Variants in BMPER observed in about 807,000 individuals in gnomAD.
The protein encoded by BMPER is BMP binding endothelial regulator.
BMPER carries 45 observed loss-of-function variants against 87.3 expected under a neutral mutation model. The ratio of observed to expected loss-of-function variants is 0.52; its 90% CI spans 0.41 to 0.66. The LOEUF (loss-of-function observed/expected upper bound fraction) is 0.66. Among genes scored for constraint, BMPER ranks in the 30% least tolerant of loss-of-function variants. BMPER has a pLI of 0.00. For missense variants in BMPER, 784 were observed against 867.5 expected, an observed-to-expected ratio of 0.90 and a Z score of 1.21; for synonymous variants, 326 against 316.2, an observed-to-expected ratio of 1.03 and a Z score of -0.33.
intron 7 of BMPER, among the ~76,000 whole-genome samples, chr7:34,050,965 T>C (rs777431772): frequency 6.6e-6 from 1 of 152,226 alleles, no homozygotes; most frequent in Admixed American, 6.5e-5. Flanking sequence ...AATGCTATCT[T>C]AGTCTGTTTA....
chr7:34,085,710 T>G (rs746808546), intron 12 of BMPER, 46 bp from the exon 13 acceptor site: 31 of 1,506,600 alleles, frequency 2.1e-5, no homozygotes, highest in Non-Finnish European at 2.1e-5. Flanking sequence ...GAATTATTAG[T>G]GCGTTAATGA....
At chr7:33,991,077 C>G (rs1440153691) in intron 6 of BMPER, among the ~76,000 whole-genome samples, 1 of 145,932 alleles carries the variant, frequency 6.9e-6, no homozygotes, top group African/African-American at 2.5e-5. Context: ...CTAAAATTCT[C>G]TTTTTTGGTT....
chr7:33,993,856 C>T (rs145907689), intron 6 of BMPER, among the ~76,000 whole-genome samples: 2,668 of 152,272 alleles, frequency 0.018, 38 homozygotes, highest in Non-Finnish European at 0.028. Flanking sequence ...CCCTCAGCTG[C>T]AGGTCTGTTG....
intron 2 of BMPER, among the ~76,000 whole-genome samples, chr7:33,924,211 A>G (rs1229991354): frequency 6.6e-6 from 1 of 152,130 alleles, no homozygotes; most frequent in Non-Finnish European, 1.5e-5. Flanking sequence ...CCCATGTTCT[A>G]TTCATTAGCA....
rs569184796 is a variant in BMPER at position 33,923,700 on chromosome 7, A to C, written c.220-13589A>C. On this transcript the variant is annotated intron_variant, in intron 2 of 14. Coordinates refer to ENST00000649409, the MANE Select transcript of BMPER (RefSeq NM_001365308.1). ...TAATGTAATGACCGCAGCCAGGGTC[A>C]CTTACAGTTGTTCATGCACACATTT... Among the ~76,000 whole-genome samples, 5 of 152,324 alleles carry C rather than the reference A, an allele frequency of 3.3e-5. 1 individual carries two copies. The highest frequency in any genetic ancestry group is 5.9e-5 in the Non-Finnish European group (4 of 68,026).
At chr7:33,954,773 C>T (rs2128614320) in intron 3 of BMPER, among the ~76,000 whole-genome samples, 1 of 152,266 alleles carries the variant, frequency 6.6e-6, no homozygotes, top group South Asian at 2.1e-4. Flanking sequence ...GAGGTGTGGG[C>T]TTATGGTGTG....
intron 6 of BMPER, among the ~76,000 whole-genome samples, chr7:33,980,091 A>G (rs888224644): frequency 6.6e-6 from 1 of 152,210 alleles, no homozygotes; most frequent in Non-Finnish European, 1.5e-5. Flanking sequence ...CCAGAAGCAG[A>G]CCTAACGTTT....
intron 13 of BMPER, among the ~76,000 whole-genome samples, chr7:34,128,404 A>G (rs1015879456): frequency 1.3e-5 from 2 of 152,152 alleles, no homozygotes; most frequent in African/African-American, 4.8e-5. Flanking sequence ...TGAAGTTTGG[A>G]GTAAGTACCC....
intron 11 of BMPER, among the ~76,000 whole-genome samples, chr7:34,072,938 A>G (rs950382115): frequency 1.3e-5 from 2 of 152,210 alleles, no homozygotes; most frequent in Non-Finnish European, 2.9e-5. Flanking sequence ...TAGTTCCCCC[A>G]TAATGTTCCT....
chr7:34,058,135 A>T lies in BMPER; in HGVS notation c.1004A>T (p.Gln335Leu), dbSNP rs1359485275. 6.2e-7 allele frequency: 1 copy of T among 1,614,136 alleles called. No homozygotes were observed. Among genetic ancestry groups the T allele is most frequent in the Admixed American group, 1.7e-5 (1 of 60,024 alleles). ...GGCAGGACGGAGTGTCGCAATAAGC[A>T]GTGCATTCCCATCAGTAGCTGCCCA... is the stretch of plus-strand genomic sequence containing the variant. ...VKGRTECRNK[Q>L]CIPISSCPQG... The change falls in exon 10 of 15, where the codon CAG (glutamine) becomes CTG (leucine). Residue 335 changes from glutamine to leucine, a missense_variant. Physicochemically the swap from Gln to Leu is moderately radical, Grantham distance 113. Coordinates refer to ENST00000649409, the MANE Select transcript of BMPER (RefSeq NM_001365308.1).
intron 1 of BMPER, 77 bp downstream of exon 1, chr7:33,905,823 C>A: frequency 4.6e-6 from 2 of 438,056 alleles, no homozygotes; most frequent in Non-Finnish European, 9.0e-6. Flanking sequence ...TGGCTTGCCC[C>A]GGGGATGGGA....
chr7:34,006,961 A>T (rs915108239), intron 6 of BMPER, among the ~76,000 whole-genome samples: 2 of 152,094 alleles, frequency 1.3e-5, no homozygotes, highest in South Asian at 2.1e-4. Context: ...TTCAAAGTGG[A>T]TCAGCCCCTC....
intron 13 of BMPER, among the ~76,000 whole-genome samples, chr7:34,087,971 A>G (rs1267824909): frequency 1.3e-5 from 2 of 152,228 alleles, no homozygotes; most frequent in Non-Finnish European, 2.9e-5. Flanking sequence ...GAAGTTACGA[A>G]TGATGACTTG....
At chr7:34,036,464 G>A (rs963279900) in intron 6 of BMPER, among the ~76,000 whole-genome samples, 28 of 152,210 alleles carry the variant, frequency 1.8e-4, no homozygotes, top group African/African-American at 6.5e-4. Flanking sequence ...GCAGGAGCTG[G>A]CTGTCAGGGC....
chr7:34,052,869 T>C (rs1788183229), intron 8 of BMPER, among the ~76,000 whole-genome samples: 1 of 152,326 alleles, frequency 6.6e-6, no homozygotes, highest in South Asian at 2.1e-4. Flanking sequence ...ACACCAAACA[T>C]GGAGTAATTC....
chr7:34,139,205 A>G (rs1790800373), intron 13 of BMPER, among the ~76,000 whole-genome samples: 1 of 152,224 alleles, frequency 6.6e-6, no homozygotes. Context: ...TCCATTATCT[A>G]TTCCACCACC....
chr7:33,974,730 A>G lies in BMPER; in HGVS notation c.522A>G (p.Gln174=), dbSNP rs1461277139. ...GTGTGTTTGAGGGTGTGCAGTATCAAGAAGGGGAGGAATTTCAGCCAGAAG... is the reference window on the plus strand; with the variant it reads ...GTGTGTTTGAGGGTGTGCAGTATCAGGAAGGGGAGGAATTTCAGCCAGAAG... ...PGCVFEGVQY[Q]EGEEFQPEGS... is the part of the protein sequence containing the mutation. Residue 174 remains glutamine (Q), a synonymous_variant, in exon 6 of 15, where the codon CAA becomes CAG. Coordinates refer to ENST00000649409, the MANE Select transcript of BMPER (RefSeq NM_001365308.1). 1 of 1,614,042 alleles carries G rather than the reference A, an allele frequency of 6.2e-7. No individual in the cohort carries two copies. The highest frequency in any genetic ancestry group is 8.5e-7 in the Non-Finnish European group (1 of 1,179,980).
At chr7:34,119,102 A>G (rs1367999004) in intron 13 of BMPER, among the ~76,000 whole-genome samples, 1 of 151,858 alleles carries the variant, frequency 6.6e-6, no homozygotes, top group Non-Finnish European at 1.5e-5. Flanking sequence ...GAACACTCGG[A>G]AGAATTGAAT....
chr7:33,975,794 C>A (rs1191427804), intron 6 of BMPER, among the ~76,000 whole-genome samples: 3 of 152,194 alleles, frequency 2.0e-5, no homozygotes, highest in Non-Finnish European at 2.9e-5. Context: ...TTTGGATCAT[C>A]ATAAACCATA....
Sources: gnomAD v4.1 joint callset for allele counts (sites outside exome capture counted in the v4.1 genomes callset) on GRCh38, gnomAD v4.1.1 for gene constraint, MANE v1.5 for transcripts, NCBI Gene and HGNC (gene_info 2026-07-23, HGNC 2026-07-21) for gene names.